The following DCUN1D4 variants were observed in gnomAD, a reference collection of about 807,000 sequenced individuals.
DCUN1D4 encodes DCN1-like protein 4.
In DCUN1D4, 22 loss-of-function variants were observed where a neutral mutation model predicts 47.9. The ratio of observed to expected loss-of-function variants is 0.46; its 90% CI spans 0.33 to 0.66. DCUN1D4 has a LOEUF of 0.66. DCUN1D4 is among the 30% of genes least tolerant of loss of function. The pLI, the probability that DCUN1D4 is intolerant of heterozygous loss-of-function variation, is 0.02. For missense variants in DCUN1D4, 301 were observed against 340.8 expected (o/e 0.88, Z 0.92); for synonymous variants, 121 against 112.2 (o/e 1.08, Z -0.50).
At chr4:51,874,438 A>C in intron 4 of DCUN1D4, 53 bp downstream of exon 4, 13 of 1,378,886 alleles carry the variant, frequency 9.4e-6, no homozygotes, top group Non-Finnish European at 1.3e-5. Context: ...TCGAAGATGC[A>C]CATTTCTACC....
chr4:51,887,209 C>G (rs1729638347), intron 6 of DCUN1D4: 1 of 416,482 alleles, frequency 2.4e-6, no homozygotes, highest in African/African-American at 2.1e-5. Flanking sequence ...GAAGCGATTT[C>G]CCCTGCCTCA....
chr4:51,876,906 T>A (rs1056983460), intron 4 of DCUN1D4, among the ~76,000 whole-genome samples: 10 of 152,222 alleles, frequency 6.6e-5, no homozygotes, highest in Non-Finnish European at 1.3e-4. Context: ...AGGTAATTTA[T>A]ATATAAGTAA....
chr4:51,896,094 T>C (rs1260483337), intron 7 of DCUN1D4, among the ~76,000 whole-genome samples: 2 of 152,228 alleles, frequency 1.3e-5, no homozygotes, highest in Non-Finnish European at 2.9e-5. Context: ...TTAAAGCAGA[T>C]TAAACTCTGT....
chr4:51,902,487 A>G (rs1172330205), intron 8 of DCUN1D4, among the ~76,000 whole-genome samples: 1 of 152,216 alleles, frequency 6.6e-6, no homozygotes, highest in Admixed American at 6.5e-5. Context: ...CTTTACCATT[A>G]TGTAATGTCT....
At chr4:51,906,642 T>G (rs1456352586) in intron 8 of DCUN1D4, among the ~76,000 whole-genome samples, 3 of 152,084 alleles carry the variant, frequency 2.0e-5, no homozygotes, top group Non-Finnish European at 4.4e-5. Context: ...TAGGCCTGGG[T>G]GACAGTAAGA....
intron 1 of DCUN1D4, among the ~76,000 whole-genome samples, chr4:51,849,990 T>A (rs1269802474): frequency 6.6e-6 from 1 of 152,150 alleles, no homozygotes; most frequent in Non-Finnish European, 1.5e-5. Flanking sequence ...TTAAGTGTTG[T>A]TGGGTGAATT....
At chr4:51,900,286 C>T (rs530122962) in intron 8 of DCUN1D4, among the ~76,000 whole-genome samples, 38 of 152,142 alleles carry the variant, frequency 2.5e-4, no homozygotes, top group Non-Finnish European at 2.9e-5. Flanking sequence ...CTTGCAATAA[C>T]GTTCTCTGTG....
the DCUN1D4 span, among the ~76,000 whole-genome samples, chr4:51,835,483 C>T: frequency 3.9e-5 from 6 of 152,280 alleles, no homozygotes; most frequent in Middle Eastern, 3.4e-3. Context: ...AAAGCTAAAG[C>T]TATAAAATGT....
chr4:51,888,743 A>C (rs1011979713), intron 6 of DCUN1D4, among the ~76,000 whole-genome samples: 4 of 150,826 alleles, frequency 2.7e-5, no homozygotes, highest in East Asian at 2.0e-4. Flanking sequence ...AAAAAAAAAA[A>C]CTCCATTTCT....
At chr4:51,891,889 TC>T (rs1434513516) in intron 7 of DCUN1D4, 38 bp downstream of exon 7, 1 of 1,507,116 alleles carries the variant, frequency 6.6e-7, no homozygotes, top group South Asian at 1.2e-5. Flanking sequence ...TCCCTGCCCT[TC>T]CCAGGTGGTT....
intron 3 of DCUN1D4, among the ~76,000 whole-genome samples, chr4:51,866,091 G>A (rs1577902179): frequency 6.6e-6 from 1 of 152,142 alleles, no homozygotes; most frequent in African/African-American, 2.4e-5. Flanking sequence ...GAGACAGAGA[G>A]GCAGAGAATG....
chr4:51,910,468 T>G (rs1321399016), intron 8 of DCUN1D4, among the ~76,000 whole-genome samples: 1 of 152,192 alleles, frequency 6.6e-6, no homozygotes, highest in Non-Finnish European at 1.5e-5. Context: ...TGAAGGACTG[T>G]ATTGATAGAC....
intron 5 of DCUN1D4, among the ~76,000 whole-genome samples, chr4:51,885,186 G>A (rs911884814): frequency 2.6e-4 from 39 of 152,300 alleles, no homozygotes; most frequent in African/African-American, 9.4e-4. Flanking sequence ...TGCGTTTGAA[G>A]TGGATCCCTT....
At chr4:51,854,264 C>A (rs1330467816) in intron 1 of DCUN1D4, among the ~76,000 whole-genome samples, 1 of 152,102 alleles carries the variant, frequency 6.6e-6, no homozygotes, top group African/African-American at 2.4e-5. Flanking sequence ...TAAAACACTA[C>A]TTTTTTATGG....
At chr4:51,861,163 A>G (rs918435651) in intron 1 of DCUN1D4, among the ~76,000 whole-genome samples, 1 of 152,230 alleles carries the variant, frequency 6.6e-6, no homozygotes, top group Non-Finnish European at 1.5e-5. Flanking sequence ...TTTACAGATG[A>G]GAAAATTGGT....
chr4:51,880,944 C>A (rs771142433), intron 5 of DCUN1D4, among the ~76,000 whole-genome samples: 1 of 151,976 alleles, frequency 6.6e-6, no homozygotes, highest in Non-Finnish European at 1.5e-5. Flanking sequence ...CTGGCTAACA[C>A]GGTGAAATCC....
At chr4:51,834,088 TTTC>T in the DCUN1D4 span, among the ~76,000 whole-genome samples, 1 of 127,372 alleles carries the variant, frequency 7.9e-6, no homozygotes, top group African/African-American at 3.4e-5. Flanking sequence ...CTCTCTCTCT[TTTC>T]TTTTCTTCTT....
chr4:51,870,559 A>G (rs1246584149), intron 3 of DCUN1D4, among the ~76,000 whole-genome samples: 3 of 152,228 alleles, frequency 2.0e-5, no homozygotes, highest in Middle Eastern at 3.4e-3. Context: ...CATTTATTCA[A>G]CAAATATTTA....
intron 1 of DCUN1D4, among the ~76,000 whole-genome samples, chr4:51,845,827 T>C (rs143782245): frequency 1.3e-5 from 2 of 152,340 alleles, no homozygotes; most frequent in Non-Finnish European, 1.5e-5. Flanking sequence ...TGATGGTTCT[T>C]TTCATGATGA....
Sources: gnomAD v4.1 joint callset for allele counts (sites outside exome capture counted in the v4.1 genomes callset) on GRCh38, gnomAD v4.1.1 for gene constraint, MANE v1.5 for transcripts, NCBI Gene and HGNC (gene_info 2026-07-23, HGNC 2026-07-21) for gene names.